FBXL20: variants seen among roughly 807,000 people sequenced by gnomAD.
FBXL20 encodes the protein F-box and leucine rich repeat protein 20, also known as F-box/LRR-repeat protein 20.
In FBXL20, 11 loss-of-function variants were observed where a neutral mutation model predicts 64.0. The observed-to-expected ratio is 0.17, with a 90% confidence interval of 0.11 to 0.28. FBXL20 has a LOEUF of 0.28. FBXL20 is among the 10% of genes least tolerant of loss of function. The pLI is 1.00. For synonymous variants in FBXL20, 184 were observed against 189.0 expected (o/e 0.97, Z 0.22); for missense variants, 303 against 526.2 (o/e 0.58, Z 4.15).
At chr17:39,394,393 C>A (rs1380484415) in intron 1 of FBXL20, among the ~76,000 whole-genome samples, 1 of 151,530 alleles carries the variant, frequency 6.6e-6, no homozygotes, top group Admixed American at 6.6e-5. Context: ...CTGCCTCAGC[C>A]TCCCGAGTAG....
intron 1 of FBXL20, among the ~76,000 whole-genome samples, chr17:39,393,578 G>T (rs1308069479): frequency 6.6e-6 from 1 of 152,126 alleles, no homozygotes. Context: ...GTTTTGACCA[G>T]AAATTCCTGG....
Position 39,253,949 on chromosome 17 carries a change from GAAT to G in FBXL20, c.*7508_*7510del, listed in dbSNP as rs1332027399. On this transcript the variant is annotated 3_prime_UTR_variant, in exon 15 of 15. Transcript: ENST00000264658. Reference sequence around the variant, plus strand: ...AAAAGGAAAAGAAAAAAAAAGAGTAGAATAATGACTTCAAGGCCTGAGAAGGTT... The same window carrying G: ...AAAAGGAAAAGAAAAAAAAAGAGTAGAATGACTTCAAGGCCTGAGAAGGTT... The G allele has an allele frequency of 6.6e-6, 1 of 152,226 alleles. No homozygotes were observed. The highest frequency in any genetic ancestry group is 1.5e-5 in the Non-Finnish European group (1 of 68,024). The allele number at this position is 152,226 out of a possible 1,614,324, so 9.4% of individuals were successfully genotyped here.
At chr17:39,279,757 G>C (rs938596163) in intron 9 of FBXL20, among the ~76,000 whole-genome samples, 8 of 152,066 alleles carry the variant, frequency 5.3e-5, no homozygotes, top group African/African-American at 1.9e-4. Flanking sequence ...AATTAGCTGA[G>C]TGTGGTGGCA....
At chr17:39,356,364 G>A (rs2047740358) in intron 1 of FBXL20, among the ~76,000 whole-genome samples, 1 of 150,940 alleles carries the variant, frequency 6.6e-6, no homozygotes, top group African/African-American at 2.4e-5. Context: ...ACCACCATCT[G>A]TTTTGTTTTG....
chr17:39,394,507 G>A (rs1184077666), intron 1 of FBXL20, among the ~76,000 whole-genome samples: 3 of 151,102 alleles, frequency 2.0e-5, no homozygotes, highest in Non-Finnish European at 2.9e-5. Flanking sequence ...TCGATCTCCT[G>A]ACCTTGTGGT....
intron 1 of FBXL20, among the ~76,000 whole-genome samples, chr17:39,347,964 C>T (rs189630046): frequency 2.0e-5 from 3 of 151,982 alleles, no homozygotes; most frequent in Admixed American, 2.0e-4. Context: ...TTCTCCATTT[C>T]TTGATTTTGT....
chr17:39,272,103 C>A (rs2046849159), intron 10 of FBXL20, among the ~76,000 whole-genome samples: 1 of 151,808 alleles, frequency 6.6e-6, no homozygotes, highest in Non-Finnish European at 1.5e-5. Context: ...TTTTTAAATT[C>A]TGTCCGGGCG....
intron 1 of FBXL20, among the ~76,000 whole-genome samples, chr17:39,381,091 C>T (rs1029580254): frequency 4.0e-5 from 6 of 151,592 alleles, no homozygotes; most frequent in East Asian, 3.9e-4. Flanking sequence ...ACCCGGGAGG[C>T]GGAAGTTGCA....
intron 2 of FBXL20, among the ~76,000 whole-genome samples, chr17:39,317,684 TTTTTGTTTTTTTTTTTG>T (rs2047307860): frequency 6.2e-5 from 4 of 64,564 alleles, no homozygotes; most frequent in African/African-American, 5.7e-4. Flanking sequence ...TTTGTTTTTT[TTTTTGTTTTTTTTTTTG>T]TTTTTTTTTT....
At chr17:39,315,628 T>G (rs1225526246) in intron 2 of FBXL20, among the ~76,000 whole-genome samples, 1 of 151,616 alleles carries the variant, frequency 6.6e-6, no homozygotes, top group Non-Finnish European at 1.5e-5. Flanking sequence ...GATACTGGGA[T>G]ACAAGCAGGG....
chr17:39,353,620 T>C (rs1405294332), intron 1 of FBXL20, among the ~76,000 whole-genome samples: 2 of 150,706 alleles, frequency 1.3e-5, no homozygotes, highest in Non-Finnish European at 3.0e-5. Flanking sequence ...ATTTATTTAT[T>C]TATTTATTTA....
chr17:39,391,041 T>A (rs2048128897), intron 1 of FBXL20, among the ~76,000 whole-genome samples: 1 of 151,626 alleles, frequency 6.6e-6, no homozygotes, highest in South Asian at 2.1e-4. Context: ...AGGCTCTATC[T>A]CAAAAAAAAA....
chr17:39,288,413 T>C (rs2047008047), intron 6 of FBXL20, among the ~76,000 whole-genome samples: 1 of 152,200 alleles, frequency 6.6e-6, no homozygotes, highest in South Asian at 2.1e-4. Flanking sequence ...AGAAGCACTG[T>C]TATTAGATAT....
intron 2 of FBXL20, among the ~76,000 whole-genome samples, chr17:39,339,068 C>T (rs375524492): frequency 4.7e-4 from 69 of 147,916 alleles, no homozygotes; most frequent in African/African-American, 1.4e-3. Context: ...CTCAGGAGGA[C>T]GAGGCAGGAG....
At chr17:39,336,051 G>C (rs1198596437) in intron 2 of FBXL20, among the ~76,000 whole-genome samples, 1 of 151,422 alleles carries the variant, frequency 6.6e-6, no homozygotes, top group East Asian at 2.0e-4. Flanking sequence ...AGGCCCAGGA[G>C]TTTGGGACTG....
intron 10 of FBXL20, among the ~76,000 whole-genome samples, chr17:39,272,715 AAAAAAAGAAAGAAAG>A (rs1229184710): frequency 1.4e-5 from 2 of 147,942 alleles, no homozygotes; most frequent in Admixed American, 6.8e-5. Context: ...AAAAAAAAAA[AAAAAAAGAAAGAAAG>A]AAAGAAAGAA....
chr17:39,345,598 T>C (rs1012418849), intron 1 of FBXL20, among the ~76,000 whole-genome samples: 3 of 152,036 alleles, frequency 2.0e-5, no homozygotes, highest in Non-Finnish European at 2.9e-5. Context: ...TGGAGTGCAA[T>C]AGCACAATCT....
Position 39,260,009 on chromosome 17 carries a change from CTGGGG to C in FBXL20, c.*1446_*1450del, listed in dbSNP as rs2046731398. 7.6e-6 allele frequency: 1 copy of C among 132,406 alleles called. No homozygotes were observed. The highest frequency in any genetic ancestry group is 2.9e-5 in the African/African-American group (1 of 34,612). The allele number at this position is 132,406 out of a possible 1,614,324, so 8.2% of individuals were successfully genotyped here. A position where few individuals can be genotyped will look rare whatever the true frequency, so the allele number is the denominator to read the frequency against. On this transcript the variant is annotated 3_prime_UTR_variant, in exon 15 of 15. Coordinates refer to ENST00000264658, the MANE Select transcript of FBXL20 (RefSeq NM_032875.3). ...AAAAAAAAAAAAAAAAAAAAAAAGA[CTGGGG>C]CAGAAAAGAGAGATGACTGACAGGT...
At chr17:39,345,185 T>C (rs1186097400) in intron 1 of FBXL20, among the ~76,000 whole-genome samples, 1 of 152,166 alleles carries the variant, frequency 6.6e-6, no homozygotes, top group African/African-American at 2.4e-5. Flanking sequence ...GGCACTTTTC[T>C]AGACAATGGG....
Sources: allele counts gnomAD v4.1 joint callset (sites outside exome capture counted in the v4.1 genomes callset), GRCh38; gene constraint gnomAD v4.1.1; transcripts MANE v1.5; gene names NCBI Gene and HGNC (gene_info 2026-07-23, HGNC 2026-07-21).